The following IMMT variants were observed in gnomAD, a reference collection of about 807,000 sequenced individuals.
IMMT encodes the protein inner membrane mitochondrial protein.
In IMMT, 40 loss-of-function variants were observed where a neutral mutation model predicts 92.7. That is an observed-to-expected ratio of 0.43 (90% CI 0.34 to 0.56). The LOEUF (loss-of-function observed/expected upper bound fraction) is 0.56. Ranked by LOEUF, IMMT falls within the 20% of genes least tolerant of loss-of-function variation. The pLI, the probability that IMMT is intolerant of heterozygous loss-of-function variation, is 0.03. For missense variants in IMMT, 831 were observed against 912.1 expected, an observed-to-expected ratio of 0.91 and a Z score of 1.14; for synonymous variants, 322 against 336.1, an observed-to-expected ratio of 0.96 and a Z score of 0.46.
In IMMT at chr2:86,191,311, C is replaced by CTCCA. The variant is rs1394544594; in HGVS notation, c.45+4023_45+4026dup. 2.2e-4 allele frequency among the ~76,000 whole-genome samples: 32 copies of CTCCA among 148,596 alleles called. 1 individual carries two copies. The South Asian group carries it at 6.4e-3, about 30-fold the overall frequency. Reference sequence around the variant, plus strand: ...AGTGAGCTGAGATTGCACCAATGCACTCCAGCCTGGGTGACAGAGCAAGAC... The same window carrying CTCCA: ...AGTGAGCTGAGATTGCACCAATGCACTCCATCCAGCCTGGGTGACAGAGCAAGAC... On this transcript the variant is annotated intron_variant, in intron 1 of 14. Transcript: ENST00000410111.
chr2:86,181,486 T>C, intron 1 of IMMT, 114 bp from the exon 2 acceptor site: 2 of 732,892 alleles, frequency 2.7e-6, no homozygotes, highest in Admixed American at 2.5e-5. Context: ...AAACAAAAAA[T>C]TACTTTTTTT....
chr2:86,183,600 A>AAT (rs1175927729), intron 1 of IMMT, among the ~76,000 whole-genome samples: 1 of 150,888 alleles, frequency 6.6e-6, no homozygotes, highest in Non-Finnish European at 1.5e-5. Flanking sequence ...TAAAAGTTTA[A>AAT]ATATGCATAG....
chr2:86,181,157 CAAT>C, intron 2 of IMMT, 139 bp downstream of exon 2: 1 of 587,066 alleles, frequency 1.7e-6, no homozygotes, highest in Non-Finnish European at 3.1e-6. Context: ...GAAGGTACCC[CAAT>C]AATGTTACAG....
intron 3 of IMMT, among the ~76,000 whole-genome samples, chr2:86,177,269 AGC>A (rs1482147239): frequency 1.6e-4 from 24 of 151,562 alleles, no homozygotes; most frequent in Admixed American, 1.4e-3. Context: ...TTTTACAAGA[AGC>A]TGTGTGTGAA....
intron 1 of IMMT, among the ~76,000 whole-genome samples, chr2:86,187,399 A>T (rs1168488886): frequency 2.0e-5 from 3 of 152,160 alleles, no homozygotes; most frequent in Non-Finnish European, 4.4e-5. Context: ...CTTGTACTTC[A>T]TTCCTTTTTA....
intron 6 of IMMT, among the ~76,000 whole-genome samples, chr2:86,167,587 C>A (rs997966187): frequency 6.6e-6 from 1 of 150,432 alleles, no homozygotes; most frequent in African/African-American, 2.5e-5. Context: ...TGGGTTCAGG[C>A]GATTCTCCTG....
intron 2 of IMMT, among the ~76,000 whole-genome samples, chr2:86,180,518 G>A (rs908733597): frequency 6.7e-6 from 1 of 149,944 alleles, no homozygotes; most frequent in Non-Finnish European, 1.5e-5. Flanking sequence ...TGCCCTCCTC[G>A]GCCTCCCAAA....
intron 9 of IMMT, 73 bp downstream of exon 9, chr2:86,159,463 T>A (rs1676108547): frequency 1.6e-6 from 2 of 1,216,258 alleles, no homozygotes; most frequent in African/African-American, 1.5e-5. Context: ...ATTTGCTGTT[T>A]TCCTAAATCC....
chr2:86,149,251 G>A (rs1473398345), intron 12 of IMMT, among the ~76,000 whole-genome samples: 1 of 152,192 alleles, frequency 6.6e-6, no homozygotes, highest in Non-Finnish European at 1.5e-5. Context: ...GGTTTAAACA[G>A]AGAGGATAGA....
rs189100508 is a variant in IMMT, at chr2:86,162,071, G to T, written c.801C>A (p.Gly267=). 1.9e-6 allele frequency: 3 copies of T among 1,580,432 alleles called. No individual in the cohort carries two copies. Among genetic ancestry groups the T allele is most frequent in the Non-Finnish European group, 2.6e-6 (3 of 1,166,378 alleles). The change falls in exon 8 of 15, where the codon GGC becomes GGA. Residue 267 remains glycine (G), a synonymous_variant. Coordinates refer to ENST00000410111, the MANE Select transcript of IMMT (RefSeq NM_006839.3). The part of the protein sequence containing the change: ...KAAMDNSEIA[G]EKKSAQWRTV... ...TGCGCCACTGAGCAGATTTCTTCTC[G>T]CCTGCAATCTAAACAAAAAATTTTA...
rs532443008 is a variant in IMMT at position 86,149,025 on chromosome 2, T to C, written c.1402-1192A>G. On this transcript the variant is annotated intron_variant, in intron 12 of 14. Coordinates refer to ENST00000410111, the MANE Select transcript of IMMT (RefSeq NM_006839.3). ...AGTAAACAAAAAAGACATCTGAGAT[T>C]GTGATACATATTTCTACATATGACT... Among the ~76,000 whole-genome samples, 3 of 150,332 alleles carry C rather than the reference T, an allele frequency of 2.0e-5. No homozygotes were observed. The East Asian group carries it at 5.8e-4, about 29-fold the overall frequency.
intron 14 of IMMT, among the ~76,000 whole-genome samples, chr2:86,145,287 GAGTTCAGGACT>G (rs1358969842): frequency 1.3e-5 from 2 of 151,992 alleles, no homozygotes; most frequent in Admixed American, 1.3e-4. Context: ...TTGTGGTCAG[GAGTTCAGGACT>G]AGCCTGGCCA....
chr2:86,188,003 G>A (rs1672888653), intron 1 of IMMT, among the ~76,000 whole-genome samples: 1 of 151,672 alleles, frequency 6.6e-6, no homozygotes, highest in Admixed American at 6.6e-5. Context: ...AATGTATGAG[G>A]GTTCCAATTT....
Position 86,158,620 on chromosome 2 carries a change from T to G in IMMT, c.1134A>C (p.Pro378=), listed in dbSNP as rs757076317. 3 of 1,606,752 alleles carry G rather than the reference T, an allele frequency of 1.9e-6. No individual in the cohort carries two copies. In the South Asian group the frequency reaches 3.4e-5, roughly 18 times the overall value. Residue 378 remains proline, a synonymous_variant, in exon 10 of 15, where the codon CCA becomes CCC. Coordinates refer to ENST00000410111, the MANE Select transcript of IMMT (RefSeq NM_006839.3). ...TTCCTTTCCACCCAGGAAGGACTTC[T>G]GGAGTAATACTGTCCAGCTCTCGTT... is the stretch of plus-strand genomic sequence containing the variant. ...DFKRELDSIT[P]EVLPGWKGMS...
rs188944699 is a variant in IMMT at position 86,155,340 on chromosome 2, G to A, written c.1163-1766C>T. Among the ~76,000 whole-genome samples, 14 of 150,102 alleles carry A rather than the reference G, an allele frequency of 9.3e-5. No individual in the cohort carries two copies. The Admixed American group carries it at 9.4e-4, about 10-fold the overall frequency. ...CATTCCTCTTCTCAAAAGGCCAAAA[G>A]GGAGTCCCGTGCTGCTGATACAAAT... On this transcript the variant is annotated intron_variant, in intron 10 of 14. Transcript: ENST00000410111.
intron 11 of IMMT, 132 bp from the exon 12 acceptor site, chr2:86,151,652 T>G (rs1675476940): frequency 2.9e-6 from 2 of 689,596 alleles, no homozygotes; most frequent in Non-Finnish European, 4.9e-6. Context: ...TGAAAAGAGA[T>G]TTAGATTCCC....
At chr2:86,173,802 GTT>G in intron 3 of IMMT, 41 bp from the exon 4 acceptor site, 1 of 1,091,202 alleles carries the variant, frequency 9.2e-7, no homozygotes, top group Non-Finnish European at 1.4e-6. Context: ...ATATACTACT[GTT>G]TTTTAAAAAG....
chr2:86,166,005 C>T (rs1363480063), intron 7 of IMMT, among the ~76,000 whole-genome samples: 1 of 152,182 alleles, frequency 6.6e-6, no homozygotes, highest in East Asian at 1.9e-4. Context: ...TTCTAAAAAA[C>T]TTAAAGGCTT....
At position 86,144,881 on chromosome 2, in the gene IMMT, C is replaced by T. The variant is rs1480058019; in HGVS notation, c.1664G>A (p.Ser555Asn). The T allele has an allele frequency of 6.3e-7, 1 of 1,579,686 alleles. No individual in the cohort carries two copies. Among genetic ancestry groups the T allele is most frequent in the South Asian group, 1.2e-5 (1 of 86,482 alleles). Residue 555 changes from serine (S) to asparagine (N), a missense_variant and splice_region_variant, in exon 15 of 15, where the codon AGC (serine) becomes AAC (asparagine). Coordinates refer to ENST00000410111, the MANE Select transcript of IMMT (RefSeq NM_006839.3). ...RLRGIEQAVQ[S>N]HAVAEEEARK... ...GGCTTCCTCTTCAGCAACTGCATGGCCTACAAAGAAAAAAAGGCAAAGCCA... is the reference window on the plus strand; with the variant it reads ...GGCTTCCTCTTCAGCAACTGCATGGTCTACAAAGAAAAAAAGGCAAAGCCA...
Sources: gnomAD v4.1 joint callset for allele counts (sites outside exome capture counted in the v4.1 genomes callset) on GRCh38, gnomAD v4.1.1 for gene constraint, MANE v1.5 for transcripts, NCBI Gene and HGNC (gene_info 2026-07-23, HGNC 2026-07-21) for gene names.